Variants in GKAP1 observed in about 807,000 individuals in gnomAD.
GKAP1 encodes G kinase anchoring protein 1, also known as G kinase-anchoring protein 1.
In GKAP1, 31 loss-of-function variants were observed where a neutral mutation model predicts 56.7. The observed-to-expected ratio is 0.55, with a 90% CI of 0.41 to 0.74. The LOEUF (loss-of-function observed/expected upper bound fraction) is 0.74. GKAP1 is among the 30% of genes least tolerant of loss of function. The pLI is 0.00. For synonymous variants in GKAP1, 151 were observed against 138.6 expected, an observed-to-expected ratio of 1.09 and a Z score of -0.63; for missense variants, 364 against 402.3, an observed-to-expected ratio of 0.90 and a Z score of 0.82.
intron 6 of GKAP1, among the ~76,000 whole-genome samples, chr9:83,780,833 A>G (rs1467195468): frequency 2.0e-5 from 3 of 152,226 alleles, no homozygotes; most frequent in African/African-American, 7.2e-5. Flanking sequence ...ATGAAAAGGT[A>G]GAATAGTAAT....
chr9:83,804,044 C>T (rs1423443308), intron 3 of GKAP1, among the ~76,000 whole-genome samples: 3 of 148,508 alleles, frequency 2.0e-5, no homozygotes, highest in Non-Finnish European at 4.5e-5. Context: ...AAGTAAGGAG[C>T]CCCTCTGCCC....
chr9:83,797,795 G>A (rs148343895), intron 4 of GKAP1, among the ~76,000 whole-genome samples: 1 of 152,320 alleles, frequency 6.6e-6, no homozygotes, highest in Non-Finnish European at 1.5e-5. Flanking sequence ...GTGCAAATTT[G>A]AGTAGTTTTC....
intron 5 of GKAP1, among the ~76,000 whole-genome samples, chr9:83,787,579 T>C (rs1405371981): frequency 6.6e-6 from 1 of 152,156 alleles, no homozygotes; most frequent in African/African-American, 2.4e-5. Flanking sequence ...GGCCAAAAAG[T>C]CTTCAGGGTG....
intron 9 of GKAP1, 35 bp from the exon 10 acceptor site, chr9:83,748,407 A>C (rs781277893): frequency 5.8e-6 from 7 of 1,203,530 alleles, no homozygotes; most frequent in Non-Finnish European, 8.4e-6. Flanking sequence ...AGTTTTTTTA[A>C]AAGTAAGTGA....
rs1944619056 is a variant in GKAP1 at position 83,817,034 on chromosome 9, G to A, written c.-82C>T. ...GAAAGCCAAATTTCACCCATAGGCT[G>A]TTAACCGATGCTCCGAAACTTATTC... On this transcript the variant is annotated 5_prime_UTR_variant, in exon 2 of 13. Coordinates refer to ENST00000376371, the MANE Select transcript of GKAP1 (RefSeq NM_025211.4). The A allele has an allele frequency of 6.6e-6, 1 of 152,210 alleles. No individual in the cohort carries two copies. Among genetic ancestry groups the A allele is most frequent in the African/African-American group, 2.4e-5 (1 of 41,462 alleles). The allele number at this position is 152,210 out of a possible 1,614,324, so 9.4% of individuals were successfully genotyped here.
intron 9 of GKAP1, among the ~76,000 whole-genome samples, chr9:83,752,245 T>C (rs1943403127): frequency 1.3e-5 from 2 of 152,088 alleles, no homozygotes; most frequent in South Asian, 4.2e-4. Flanking sequence ...CTACTAAAAA[T>C]GCAAAAATTA....
chr9:83,804,956 A>T (rs1479605478), intron 3 of GKAP1, among the ~76,000 whole-genome samples: 1 of 151,770 alleles, frequency 6.6e-6, no homozygotes, highest in African/African-American at 2.4e-5. Context: ...CCACCACCCC[A>T]TCTGGGAGGT....
chr9:83,780,232 A>G, intron 7 of GKAP1, 150 bp downstream of exon 7: 1 of 509,010 alleles, frequency 2.0e-6, no homozygotes, highest in South Asian at 3.1e-5. Context: ...ATCCTTATAT[A>G]ATGGCAGAAA....
intron 2 of GKAP1, among the ~76,000 whole-genome samples, chr9:83,814,544 C>A (rs190023162): frequency 1.5e-4 from 23 of 152,244 alleles, no homozygotes; most frequent in Non-Finnish European, 1.5e-5. Context: ...TGTGCCTAGC[C>A]CCTATGATCC....
In GKAP1 at chr9:83,742,624, G is replaced by A. The variant is rs369699724; in HGVS notation, c.905-24C>T. On this transcript the variant is annotated intron_variant, in intron 10 of 12. Transcript: ENST00000376371. ...CACTGACAAAAAAGGAAAAACAGCAGTATAGATTTTCCAGTCACCCAAATA... is the reference window on the plus strand; with the variant it reads ...CACTGACAAAAAAGGAAAAACAGCAATATAGATTTTCCAGTCACCCAAATA... 6 of 1,547,170 alleles carry A rather than the reference G, an allele frequency of 3.9e-6. No homozygotes were observed. In the African/African-American group the frequency reaches 5.4e-5, roughly 14 times the overall value.
intron 8 of GKAP1, among the ~76,000 whole-genome samples, chr9:83,767,127 C>A (rs527280735): frequency 3.1e-4 from 47 of 152,284 alleles, no homozygotes; most frequent in African/African-American, 1.0e-3. Flanking sequence ...AGGTAACACA[C>A]TTTCTCTGTA....
chr9:83,742,009 T>C lies in GKAP1; in HGVS notation c.996A>G (p.Ala332=). The C allele has an allele frequency of 6.3e-7, 1 of 1,591,228 alleles. No homozygotes were observed. The highest frequency in any genetic ancestry group is 1.2e-5 in the South Asian group (1 of 86,364). ...TCACTTTAGATCTTTCTTGTTCTAA[T>C]GCAGCATGAAGTGAAGTCACCTATA... ...LTIQVTSLHA[A]LEQERSKVKV... The change falls in exon 12 of 13, where the codon GCA becomes GCG. Residue 332 remains alanine, a synonymous_variant. Coordinates refer to ENST00000376371, the MANE Select transcript of GKAP1 (RefSeq NM_025211.4).
chr9:83,802,884 C>T (rs1212287699), intron 3 of GKAP1, among the ~76,000 whole-genome samples: 3 of 151,726 alleles, frequency 2.0e-5, no homozygotes, highest in African/African-American at 7.3e-5. Context: ...ATAATCCCAG[C>T]ACTTTGGGAG....
At chr9:83,772,227 T>C (rs1180092231) in intron 7 of GKAP1, among the ~76,000 whole-genome samples, 3 of 152,118 alleles carry the variant, frequency 2.0e-5, no homozygotes, top group Non-Finnish European at 4.4e-5. Context: ...AATAAGACAG[T>C]ATGGTGCTTA....
At chr9:83,804,448 C>T (rs1424219121) in intron 3 of GKAP1, among the ~76,000 whole-genome samples, 4 of 120,670 alleles carry the variant, frequency 3.3e-5, no homozygotes, top group Admixed American at 8.4e-5. Context: ...AGGTGAGGGG[C>T]GCCTCTGCCC....
rs543971904 is a variant in GKAP1, at chr9:83,817,561, C to G, written c.-220G>C. The G allele has an allele frequency of 6.6e-6, 1 of 151,898 alleles. No homozygotes were observed. Among genetic ancestry groups the G allele is most frequent in the Admixed American group, 6.6e-5 (1 of 15,214 alleles). 9.4% of individuals were successfully genotyped at this position (151,898 alleles called of 1,614,324 possible). On this transcript the variant is annotated 5_prime_UTR_variant, in exon 1 of 13. Transcript: ENST00000376371. ...GCTCGGCCCTCCTCTCCCTCCTCCCCCCGCCGCCGCCTCTCCCGCGGCTCC... is the reference window on the plus strand; with the variant it reads ...GCTCGGCCCTCCTCTCCCTCCTCCCGCCGCCGCCGCCTCTCCCGCGGCTCC...
chr9:83,789,437 G>C (rs1944118279), intron 4 of GKAP1, among the ~76,000 whole-genome samples: 1 of 152,138 alleles, frequency 6.6e-6, no homozygotes, highest in Non-Finnish European at 1.5e-5. Flanking sequence ...GTTTGCAGCT[G>C]TATATAAGAT....
chr9:83,804,443 A>G (rs1587739522), intron 3 of GKAP1, among the ~76,000 whole-genome samples: 1 of 108,006 alleles, frequency 9.3e-6, no homozygotes, highest in Admixed American at 1.0e-4. Flanking sequence ...CCGGGAGGTG[A>G]GGGGCGCCTC....
At chr9:83,749,784 T>G (rs1277467329) in intron 9 of GKAP1, among the ~76,000 whole-genome samples, 1 of 152,132 alleles carries the variant, frequency 6.6e-6, no homozygotes, top group East Asian at 1.9e-4. Context: ...GATAAGTAAA[T>G]AATGTTTACT....
Sources: gnomAD v4.1 joint callset for allele counts (sites outside exome capture counted in the v4.1 genomes callset) on GRCh38, gnomAD v4.1.1 for gene constraint, MANE v1.5 for transcripts, NCBI Gene and HGNC (gene_info 2026-07-23, HGNC 2026-07-21) for gene names.